The following TTC28 variants were observed in gnomAD, a reference collection of about 807,000 sequenced individuals.
The protein encoded by TTC28 is tetratricopeptide repeat domain 28.
TTC28 carries 61 observed loss-of-function variants against 198.0 expected under a neutral mutation model. That is an observed-to-expected ratio of 0.31 (90% CI 0.25 to 0.38). The LOEUF (loss-of-function observed/expected upper bound fraction) is 0.38, where lower values mean the gene tolerates loss of function less well. TTC28 is among the 10% of genes least tolerant of loss of function. TTC28 has a pLI of 1.00. For missense variants in TTC28, 2,678 were observed against 3,164.0 expected (o/e 0.85, Z 3.69); for synonymous variants, 1,171 against 1,297.8 (o/e 0.90, Z 2.10).
chr22:28,259,352 T>C (rs1040517506), intron 5 of TTC28, among the ~76,000 whole-genome samples: 1 of 152,120 alleles, frequency 6.6e-6, no homozygotes, highest in African/African-American at 2.4e-5. Flanking sequence ...CCAAATAGTG[T>C]ATACACAATA....
At chr22:28,378,502 A>T (rs1476942503) in intron 2 of TTC28, among the ~76,000 whole-genome samples, 1 of 149,134 alleles carries the variant, frequency 6.7e-6, no homozygotes, top group Non-Finnish European at 1.5e-5. Flanking sequence ...TCTACAAAAC[A>T]ATTAGCCAGG....
intron 5 of TTC28, among the ~76,000 whole-genome samples, chr22:28,246,225 T>C (rs187941261): frequency 1.3e-5 from 2 of 152,298 alleles, no homozygotes; most frequent in Non-Finnish European, 2.9e-5. Context: ...AAATCCTCCT[T>C]TTCCACTTAC....
intron 5 of TTC28, among the ~76,000 whole-genome samples, chr22:28,214,913 A>T (rs1398049471): frequency 6.6e-6 from 1 of 152,238 alleles, no homozygotes; most frequent in African/African-American, 2.4e-5. Context: ...ATGGATTAAG[A>T]AAATGTGGCA....
chr22:28,566,601 T>C (rs531974921), intron 2 of TTC28, among the ~76,000 whole-genome samples: 2 of 152,340 alleles, frequency 1.3e-5, no homozygotes, highest in South Asian at 4.1e-4. Context: ...CATTGATTTC[T>C]CTTTCATTCC....
At position 27,982,911 on chromosome 22, in the gene TTC28, G is replaced by A. The variant is rs551506894; in HGVS notation, c.6756C>T (p.Pro2252=). 1.8e-5 allele frequency: 28 copies of A among 1,551,676 alleles called. No homozygotes were observed. The highest frequency in any genetic ancestry group is 1.7e-4 in the Middle Eastern group (1 of 5,994). The change falls in exon 23 of 23, where the codon CCC becomes CCT. Residue 2252 remains proline, a synonymous_variant. Transcript: ENST00000397906. This position sits in a 1 kb window ranked among gnomAD's most constrained non-coding sequence, Gnocchi z 5.2. ...CTTTGATGGACATCTCTGAGGTGGT[G>A]GGGCTGCTATATCCGGAACTCACCT... ...LPKVSSGYSS[P]TTSEMSIKDS...
At chr22:28,625,273 T>C (rs915475253) in intron 2 of TTC28, among the ~76,000 whole-genome samples, 2 of 152,100 alleles carry the variant, frequency 1.3e-5, no homozygotes, top group Admixed American at 6.6e-5. Flanking sequence ...AGAAGCAGAA[T>C]TGTGATTACC....
chr22:28,304,963 G>A (rs184588927), intron 3 of TTC28, among the ~76,000 whole-genome samples: 18 of 139,058 alleles, frequency 1.3e-4, no homozygotes, highest in South Asian at 4.6e-4. Flanking sequence ...GTCAGAGTTT[G>A]TTTATTTATT....
chr22:28,516,877 TTA>T (rs1601498785), intron 2 of TTC28, among the ~76,000 whole-genome samples: 1 of 152,316 alleles, frequency 6.6e-6, no homozygotes, highest in East Asian at 1.9e-4. Context: ...CGTGAAAACA[TTA>T]TGTTGTACAC....
intron 5 of TTC28, among the ~76,000 whole-genome samples, chr22:28,238,019 C>T (rs1489233950): frequency 6.6e-6 from 1 of 151,992 alleles, no homozygotes; most frequent in African/African-American, 2.4e-5. Context: ...TCTGGCTGTT[C>T]TTCAGATTCT....
chr22:28,198,241 CCTGT>C (rs1219875037), intron 5 of TTC28, among the ~76,000 whole-genome samples: 1 of 152,054 alleles, frequency 6.6e-6, no homozygotes, highest in African/African-American at 2.4e-5. Context: ...TAGCAGCATC[CCTGT>C]CTGACCTCTA....
intron 5 of TTC28, among the ~76,000 whole-genome samples, chr22:28,252,718 G>A (rs935953879): frequency 3.9e-5 from 6 of 152,130 alleles, no homozygotes; most frequent in East Asian, 1.9e-4. Context: ...TTGACTATGG[G>A]GACAGGTGTG....
At chr22:28,231,580 A>G (rs551303636) in intron 5 of TTC28, among the ~76,000 whole-genome samples, 2 of 152,288 alleles carry the variant, frequency 1.3e-5, no homozygotes, top group African/African-American at 4.8e-5. Context: ...TCTTTGTTCT[A>G]TTTGGTTTAC....
intron 2 of TTC28, among the ~76,000 whole-genome samples, chr22:28,465,252 C>A (rs1366775261): frequency 6.6e-6 from 1 of 152,118 alleles, no homozygotes; most frequent in Non-Finnish European, 1.5e-5. Flanking sequence ...AGAAGAGAAC[C>A]AGAAGTTCAA....
chr22:28,446,556 C>G (rs766345777), intron 2 of TTC28, among the ~76,000 whole-genome samples: 1 of 152,110 alleles, frequency 6.6e-6, no homozygotes, highest in Non-Finnish European at 1.5e-5. Flanking sequence ...AACAGCGAAG[C>G]ACCCCACCAT....
chr22:28,384,583 T>A lies in TTC28; in HGVS notation c.382-77940A>T, dbSNP rs1272127857. Among the ~76,000 whole-genome samples the A allele has an allele frequency of 3.3e-5, 5 of 152,366 alleles. No individual in the cohort carries two copies. The South Asian group carries it at 1.0e-3, about 32-fold the overall frequency. ...GTATCAGTTACATAGTAAGTATGCA[T>A]TCAATACGTGGTGATGAAACGAAGG... On this transcript the variant is annotated intron_variant, in intron 2 of 22. Transcript: ENST00000397906.
chr22:28,455,001 C>A (rs1394477733), intron 2 of TTC28, among the ~76,000 whole-genome samples: 1 of 152,182 alleles, frequency 6.6e-6, no homozygotes, highest in Admixed American at 6.5e-5. Flanking sequence ...AGAGAGTGGA[C>A]ACTCTGATTA....
intron 5 of TTC28, among the ~76,000 whole-genome samples, chr22:28,291,928 C>T (rs926350701): frequency 2.0e-5 from 3 of 151,744 alleles, no homozygotes; most frequent in Admixed American, 6.6e-5. Flanking sequence ...AACAGCACTC[C>T]AAGAAGATTT....
At chr22:28,623,463 T>A (rs1020690718) in intron 2 of TTC28, among the ~76,000 whole-genome samples, 1 of 152,244 alleles carries the variant, frequency 6.6e-6, no homozygotes, top group South Asian at 2.1e-4. Context: ...ACTTCTTCAT[T>A]CCAGCAATGA....
intron 1 of TTC28, among the ~76,000 whole-genome samples, chr22:28,663,124 T>C (rs1415173514): frequency 2.0e-5 from 3 of 151,572 alleles, no homozygotes; most frequent in African/African-American, 7.3e-5. Flanking sequence ...GGCGAACGCC[T>C]GTAGTCCCAG....
Sources: allele counts gnomAD v4.1 joint callset (sites outside exome capture counted in the v4.1 genomes callset), GRCh38; gene constraint gnomAD v4.1.1; non-coding constraint Gnocchi (gnomAD v3.1); transcripts MANE v1.5; gene names NCBI Gene and HGNC (gene_info 2026-07-23, HGNC 2026-07-21).